The following MICU1 variants were observed in gnomAD, a reference collection of about 807,000 sequenced individuals.
MICU1 encodes the protein calcium uptake protein 1, mitochondrial.
MICU1 carries 45 observed loss-of-function variants against 56.8 expected under a neutral mutation model. The ratio of observed to expected loss-of-function variants is 0.79; its 90% CI spans 0.62 to 1.02. The LOEUF (loss-of-function observed/expected upper bound fraction) is 1.02. Ranked by LOEUF, MICU1 falls within the 50% of genes least tolerant of loss-of-function variation. MICU1 has a pLI of 0.00. For missense variants in MICU1, 504 were observed against 587.1 expected, an observed-to-expected ratio of 0.86 and a Z score of 1.46; for synonymous variants, 186 against 195.1, an observed-to-expected ratio of 0.95 and a Z score of 0.39.
chr10:72,489,463 G>A (rs1481497878), intron 6 of MICU1, among the ~76,000 whole-genome samples: 2 of 152,168 alleles, frequency 1.3e-5, no homozygotes, highest in Non-Finnish European at 2.9e-5. Flanking sequence ...TGGTAGAGCT[G>A]GGATATGAAC....
chr10:72,479,559 T>G (rs1866226417), intron 6 of MICU1, among the ~76,000 whole-genome samples: 1 of 152,174 alleles, frequency 6.6e-6, no homozygotes, highest in African/African-American at 2.4e-5. Flanking sequence ...GACAGGGTCT[T>G]GTTCTGTCAT....
At chr10:72,489,773 C>G (rs539823060) in intron 6 of MICU1, among the ~76,000 whole-genome samples, 71 of 152,160 alleles carry the variant, frequency 4.7e-4, no homozygotes, top group Admixed American at 1.2e-3. Flanking sequence ...AGAAAAAAGC[C>G]AGGACTTGTT....
intron 10 of MICU1, among the ~76,000 whole-genome samples, chr10:72,392,838 G>A (rs1201151678): frequency 6.6e-6 from 1 of 152,272 alleles, no homozygotes; most frequent in Non-Finnish European, 1.5e-5. Context: ...GAGGAGGGAG[G>A]TTTAAAAGCA....
At chr10:72,460,940 C>G (rs919841810) in intron 8 of MICU1, among the ~76,000 whole-genome samples, 5 of 152,010 alleles carry the variant, frequency 3.3e-5, no homozygotes, top group African/African-American at 1.2e-4. Context: ...AACCATAACT[C>G]TAAAAGGCAC....
At chr10:72,602,798 G>C (rs1841575072) in intron 1 of MICU1, among the ~76,000 whole-genome samples, 1 of 152,094 alleles carries the variant, frequency 6.6e-6, no homozygotes, top group African/African-American at 2.4e-5. Flanking sequence ...CAGAATGAAA[G>C]AATCAATACT....
At chr10:72,578,752 C>T (rs1026013538) in intron 1 of MICU1, among the ~76,000 whole-genome samples, 1 of 151,966 alleles carries the variant, frequency 6.6e-6, no homozygotes, top group African/African-American at 2.4e-5. Context: ...GGACTACAGG[C>T]ACCTGCCACC....
Position 72,577,431 on chromosome 10 carries a change from C to T in MICU1, c.-1-10637G>A, listed in dbSNP as rs112587543. Among the ~76,000 whole-genome samples, 1,280 of 151,896 alleles carry T rather than the reference C, an allele frequency of 8.4e-3. 18 individuals are homozygous for T. The highest frequency in any genetic ancestry group is 0.029 in the African/African-American group (1,208 of 41,392). The stretch of plus-strand genomic sequence containing the variant: ...GGCTGAGGCAGGAGAATTGCTTGAA[C>T]CCGGGAGGCGGAGGTTGTGATGAGC... On this transcript the variant is annotated intron_variant, in intron 1 of 11. Coordinates refer to ENST00000361114, the MANE Select transcript of MICU1 (RefSeq NM_001195518.2).
At chr10:72,621,934 G>T (rs1369527614) in intron 1 of MICU1, among the ~76,000 whole-genome samples, 1 of 151,796 alleles carries the variant, frequency 6.6e-6, no homozygotes, top group Non-Finnish European at 1.5e-5. Context: ...TATTTATTGA[G>T]CCAGAATCTT....
At chr10:72,477,153 G>A (rs927422106) in intron 7 of MICU1, 21 bp downstream of exon 7, 1 of 1,498,744 alleles carries the variant, frequency 6.7e-7, no homozygotes, top group African/African-American at 1.4e-5. Flanking sequence ...GTATTTAGAG[G>A]AACTCTCCAG....
In MICU1 at chr10:72,565,474, C is replaced by T. The variant is rs534394215; in HGVS notation, c.161+1159G>A. ...TGGACACAGGAAGGGGAACATCACA[C>T]GCCGGGGCCTGTTGTGGGGTGGGGG... On this transcript the variant is annotated intron_variant, in intron 2 of 11. Transcript: ENST00000361114. 3.0e-4 allele frequency among the ~76,000 whole-genome samples: 37 copies of T among 123,316 alleles called. 1 individual carries two copies. Among genetic ancestry groups the T allele is most frequent in the South Asian group, 2.3e-3 (9 of 3,920 alleles). 80.9% of individuals were successfully genotyped at this position (123,316 alleles called of 152,430 possible). A position where few individuals can be genotyped will look rare whatever the true frequency, so the allele number is the denominator to read the frequency against.
chr10:72,480,678 T>C (rs975024346), intron 6 of MICU1, among the ~76,000 whole-genome samples: 1 of 152,216 alleles, frequency 6.6e-6, no homozygotes, highest in African/African-American at 2.4e-5. Flanking sequence ...GCGAAGTCAA[T>C]ATGCTCCCAT....
chr10:72,440,633 T>A (rs1417180067), intron 8 of MICU1, among the ~76,000 whole-genome samples: 1 of 151,998 alleles, frequency 6.6e-6, no homozygotes, highest in East Asian at 1.9e-4. Flanking sequence ...TGGGAGAAAA[T>A]TTTTGCAATC....
intron 8 of MICU1, among the ~76,000 whole-genome samples, chr10:72,444,714 G>T (rs1287164478): frequency 6.6e-6 from 1 of 152,218 alleles, no homozygotes; most frequent in African/African-American, 2.4e-5. Flanking sequence ...CTCCCAAAGT[G>T]TTGGGATTAC....
intron 8 of MICU1, among the ~76,000 whole-genome samples, chr10:72,460,671 A>C (rs1435709733): frequency 6.6e-6 from 1 of 152,170 alleles, no homozygotes; most frequent in Non-Finnish European, 1.5e-5. Flanking sequence ...TTCATTCACA[A>C]ATGACTGCAG....
chr10:72,531,660 G>A (rs1839487400), intron 5 of MICU1: 1 of 151,966 alleles, frequency 6.6e-6, no homozygotes, highest in Admixed American at 6.6e-5. Flanking sequence ...GGAGGTTGCA[G>A]TGAGCTGAGA....
At chr10:72,578,421 C>CTTTTT (rs34573464) in intron 1 of MICU1, among the ~76,000 whole-genome samples, 1 of 134,704 alleles carries the variant, frequency 7.4e-6, no homozygotes. Context: ...CCATGCCTGG[C>CTTTTT]TTTTTTTTTT....
intron 4 of MICU1, among the ~76,000 whole-genome samples, chr10:72,547,951 C>A (rs1388380852): frequency 1.3e-5 from 2 of 152,218 alleles, no homozygotes; most frequent in East Asian, 1.9e-4. Flanking sequence ...ATCTGAGAAA[C>A]CATGTAGTCT....
intron 1 of MICU1, among the ~76,000 whole-genome samples, chr10:72,619,371 G>T (rs1264992098): frequency 6.6e-6 from 1 of 152,222 alleles, no homozygotes; most frequent in African/African-American, 2.4e-5. Context: ...TGTGAACCCA[G>T]GAGGCGGGGT....
intron 2 of MICU1, among the ~76,000 whole-genome samples, chr10:72,563,826 T>A (rs937201381): frequency 6.6e-6 from 1 of 152,166 alleles, no homozygotes; most frequent in Non-Finnish European, 1.5e-5. Context: ...TTGTTCTTCA[T>A]CTCACTCCAA....
Sources: gnomAD v4.1 joint callset for allele counts (sites outside exome capture counted in the v4.1 genomes callset) on GRCh38, gnomAD v4.1.1 for gene constraint, MANE v1.5 for transcripts, NCBI Gene and HGNC (gene_info 2026-07-23, HGNC 2026-07-21) for gene names.